SUPT20H: variants seen among roughly 807,000 people sequenced by gnomAD.
The protein encoded by SUPT20H is transcription factor SPT20 homolog.
In SUPT20H, 82 loss-of-function variants were observed where a neutral mutation model predicts 122.8. That is an observed-to-expected ratio of 0.67 (90% CI 0.56 to 0.80). SUPT20H has a LOEUF of 0.80. SUPT20H is among the 30% of genes least tolerant of loss of function. SUPT20H has a pLI of 0.00. For synonymous variants in SUPT20H, 291 were observed against 313.0 expected (o/e 0.93, Z 0.74); for missense variants, 831 against 921.6 (o/e 0.90, Z 1.27).
At chr13:37,016,216 G>T (rs188449675) in intron 23 of SUPT20H, among the ~76,000 whole-genome samples, 2 of 151,980 alleles carry the variant, frequency 1.3e-5, no homozygotes, top group Non-Finnish European at 2.9e-5. Context: ...GGATCACGAG[G>T]TCAGGAGATC....
chr13:37,050,930 T>C (rs1264725301), intron 2 of SUPT20H, among the ~76,000 whole-genome samples: 1 of 152,228 alleles, frequency 6.6e-6, no homozygotes, highest in Non-Finnish European at 1.5e-5. Context: ...CAAATGCTGC[T>C]GCTTCTTTAA....
chr13:37,035,134 C>T (rs924738004), intron 9 of SUPT20H, among the ~76,000 whole-genome samples: 10 of 152,170 alleles, frequency 6.6e-5, no homozygotes, highest in African/African-American at 2.4e-4. Context: ...GGATCAAGGA[C>T]TAATTTTGAC....
At chr13:37,021,883 A>G (rs964300967) in intron 20 of SUPT20H, 128 bp downstream of exon 20, 4 of 1,137,092 alleles carry the variant, frequency 3.5e-6, no homozygotes, top group Non-Finnish European at 4.9e-6. Context: ...GCTTCTGTCC[A>G]TATCTAAACT....
chr13:37,024,264 G>C, intron 18 of SUPT20H, 71 bp from the exon 19 acceptor site: 1 of 1,523,366 alleles, frequency 6.6e-7, no homozygotes, highest in Admixed American at 2.1e-5. Context: ...ATCAAAATGG[G>C]GCAAAGTTTT....
intron 9 of SUPT20H, chr13:37,039,432 A>G (rs759653352): frequency 6.6e-6 from 1 of 152,162 alleles, no homozygotes; most frequent in Non-Finnish European, 1.5e-5. Flanking sequence ...AAGATCATGG[A>G]AACAGTTTTC....
In SUPT20H at chr13:37,009,771, T is replaced by C. The variant is rs1487990706; in HGVS notation, c.2241A>G (p.Ala747=). 1.2e-6 allele frequency: 2 copies of C among 1,613,552 alleles called. No individual in the cohort carries two copies. The highest frequency in any genetic ancestry group is 1.7e-6 in the Non-Finnish European group (2 of 1,179,900). Residue 747 remains alanine, a synonymous_variant, in exon 26 of 26, where the codon GCA becomes GCG. Coordinates refer to ENST00000350612, the MANE Select transcript of SUPT20H (RefSeq NM_001014286.3). The part of the protein sequence containing the change: ...RFLQHQMAMA[A]AAAQTAQLHH... ...GTAGCTGAGCTGTTTGTGCTGCTGC[T>C]GCTGCCATAGCCATTTGATGCTGCA...
intron 24 of SUPT20H, among the ~76,000 whole-genome samples, chr13:37,011,583 A>G (rs1461108252): frequency 6.9e-6 from 1 of 144,830 alleles, no homozygotes; most frequent in Non-Finnish European, 1.5e-5. Flanking sequence ...GTGAAGTTAG[A>G]ATTATCGTCT....
At chr13:37,019,081 C>A (rs1000129230) in intron 22 of SUPT20H, among the ~76,000 whole-genome samples, 1 of 152,162 alleles carries the variant, frequency 6.6e-6, no homozygotes, top group African/African-American at 2.4e-5. Context: ...GGGAAGTATC[C>A]TCCTTGGTAG....
In SUPT20H at chr13:37,022,719, G is replaced by C. The variant is rs1193186059; in HGVS notation, c.1592-639C>G. ...TATTGCTTATTTAGTGTAAAAGTCT[G>C]AGATAAACTGTAAACATATTTAATA... On this transcript the variant is annotated intron_variant, in intron 19 of 25. Transcript: ENST00000350612. The surrounding 1 kb of genome is among the most constrained non-coding windows in gnomAD (Gnocchi z 4.5). 1 of 987,498 alleles carries C rather than the reference G, an allele frequency of 1.0e-6. No individual in the cohort carries two copies. Among genetic ancestry groups the C allele is most frequent in the Non-Finnish European group, 1.2e-6 (1 of 828,928 alleles). The allele number at this position is 987,498 out of a possible 1,614,324, so 61.2% of individuals were successfully genotyped here.
chr13:37,051,812 G>A (rs190383813), intron 1 of SUPT20H, among the ~76,000 whole-genome samples: 9 of 152,238 alleles, frequency 5.9e-5, no homozygotes, highest in Non-Finnish European at 1.0e-4. Context: ...CACTTGCCAA[G>A]TTACAATTAT....
chr13:37,047,468 T>C (rs2066702119), intron 5 of SUPT20H, 67 bp downstream of exon 5: 1 of 1,362,188 alleles, frequency 7.3e-7, no homozygotes, highest in South Asian at 1.5e-5. Context: ...ATACTCCAAA[T>C]GTAACTCCTC....
intron 23 of SUPT20H, among the ~76,000 whole-genome samples, chr13:37,014,827 T>C (rs923940131): frequency 6.6e-6 from 1 of 152,112 alleles, no homozygotes; most frequent in Non-Finnish European, 1.5e-5. Context: ...AATAAAGAAG[T>C]GACTCTACAC....
chr13:37,053,623 T>C (rs949955346), intron 1 of SUPT20H, among the ~76,000 whole-genome samples: 4 of 151,806 alleles, frequency 2.6e-5, no homozygotes, highest in Non-Finnish European at 5.9e-5. Context: ...CAAACCACCA[T>C]GGCACATGTA....
At chr13:37,040,142 G>A (rs1220835219) in intron 9 of SUPT20H, 1 of 322,244 alleles carries the variant, frequency 3.1e-6, no homozygotes, top group African/African-American at 2.1e-5. Flanking sequence ...TCTTCTGTTT[G>A]AGAGGAGATA....
At chr13:37,033,863 A>G (rs575704866) in intron 9 of SUPT20H, among the ~76,000 whole-genome samples, 2 of 152,370 alleles carry the variant, frequency 1.3e-5, no homozygotes, top group East Asian at 1.9e-4. Flanking sequence ...GCAATTTTGC[A>G]CTAAGCAAGG....
At chr13:37,043,957 T>C (rs1246837741) in intron 7 of SUPT20H, 121 bp downstream of exon 7, 2 of 567,108 alleles carry the variant, frequency 3.5e-6, no homozygotes, top group Non-Finnish European at 6.0e-6. Flanking sequence ...AAATATCATC[T>C]GTCATGAAAC....
At chr13:37,012,963 T>C (rs1248146336) in intron 23 of SUPT20H, 1 of 152,100 alleles carries the variant, frequency 6.6e-6, no homozygotes, top group African/African-American at 2.4e-5. Flanking sequence ...CTACAAAACA[T>C]TGACTTTGGT....
chr13:37,032,026 C>T lies in SUPT20H; in HGVS notation c.708-131G>A, dbSNP rs1003375408. ...AACACTGCCACATGCCAAGCACAGT[C>T]CTAGGAACTAGGACTAGGTGAAATA... On this transcript the variant is annotated intron_variant, in intron 10 of 25. Transcript: ENST00000350612. The T allele has an allele frequency of 2.6e-4, 177 of 689,534 alleles. No individual in the cohort carries two copies. In the East Asian group the frequency reaches 5.5e-3, roughly 22 times the overall value. 42.7% of individuals were successfully genotyped at this position (689,534 alleles called of 1,614,324 possible).
intron 13 of SUPT20H, 102 bp downstream of exon 13, chr13:37,029,663 A>C: frequency 1.1e-6 from 1 of 942,598 alleles, no homozygotes; most frequent in Non-Finnish European, 1.6e-6. Flanking sequence ...AAAAAAGAAA[A>C]AAGGTCCCAA....
Sources: gnomAD v4.1 joint callset for allele counts (sites outside exome capture counted in the v4.1 genomes callset) on GRCh38, gnomAD v4.1.1 for gene constraint, Gnocchi (gnomAD v3.1) non-coding constraint, MANE v1.5 for transcripts, NCBI Gene and HGNC (gene_info 2026-07-23, HGNC 2026-07-21) for gene names.